The following PCDHA2 variants were observed in gnomAD, a reference collection of about 807,000 sequenced individuals.
The protein encoded by PCDHA2 is protocadherin alpha-2.
In PCDHA2, 58 loss-of-function variants were observed where a neutral mutation model predicts 66.0. The observed-to-expected ratio is 0.88, with a 90% confidence interval of 0.71 to 1.09. The LOEUF is 1.09. Among genes scored for constraint, PCDHA2 ranks in the 50% least tolerant of loss-of-function variants. PCDHA2 has a pLI of 0.00. For missense variants in PCDHA2, 1,267 were observed against 1,242.3 expected, an observed-to-expected ratio of 1.02 and a Z score of -0.30; for synonymous variants, 634 against 554.0, an observed-to-expected ratio of 1.14 and a Z score of -2.03.
intron 1 of PCDHA2, among the ~76,000 whole-genome samples, chr5:140,895,413 C>G (rs141941836): frequency 6.6e-6 from 1 of 152,122 alleles, no homozygotes; most frequent in Non-Finnish European, 1.5e-5. Flanking sequence ...GCCCCATAAC[C>G]TTCTTTTGCT....
At chr5:140,967,042 G>A (rs781848948) in intron 1 of PCDHA2, 1 of 1,611,904 alleles carries the variant, frequency 6.2e-7, no homozygotes, top group Admixed American at 1.7e-5. Flanking sequence ...ACCTGGAGCT[G>A]GACCTGACGA....
At chr5:140,884,071 G>C (rs1425122045) in intron 1 of PCDHA2, 7 of 1,613,400 alleles carry the variant, frequency 4.3e-6, no homozygotes, top group African/African-American at 2.7e-5. Context: ...ACGCCGATTC[G>C]GGCTACAATG....
At chr5:140,992,205 T>C (rs2097498733) in intron 3 of PCDHA2, among the ~76,000 whole-genome samples, 1 of 152,186 alleles carries the variant, frequency 6.6e-6, no homozygotes, top group South Asian at 2.1e-4. Flanking sequence ...TCCAATCAGA[T>C]AAACTACTCT....
chr5:140,928,939 T>C (rs367874769), intron 1 of PCDHA2: 1 of 1,614,130 alleles, frequency 6.2e-7, no homozygotes, highest in Non-Finnish European at 8.5e-7. Context: ...CCAGAACTTG[T>C]ATTTAGTAAT....
rs2150186408 is a variant in PCDHA2, at chr5:140,830,436, T to A, written c.2388+33084T>A. On this transcript the variant is annotated intron_variant, in intron 1 of 3. Transcript: ENST00000526136. ...CCCAGCCTTTCACCTTGTCCTATTA[T>A]GATGGGTAAGGCGGAGAATCAGGAT... is the stretch of plus-strand genomic sequence containing the variant. The A allele has an allele frequency of 1.5e-5, 24 of 1,612,796 alleles. No homozygotes were observed. The South Asian group carries it at 2.0e-4, about 13-fold the overall frequency.
intron 1 of PCDHA2, chr5:140,968,016 A>G: frequency 6.2e-7 from 1 of 1,613,240 alleles, no homozygotes; most frequent in Non-Finnish European, 8.5e-7. Flanking sequence ...GGCTTTGGAA[A>G]CTCCTATACA....
intron 1 of PCDHA2, chr5:140,875,643 G>A: frequency 6.2e-7 from 1 of 1,613,696 alleles, no homozygotes; most frequent in Non-Finnish European, 8.5e-7. Flanking sequence ...TGGAGCTGGC[G>A]GAGCTGGTGC....
rs182448614 is a variant in PCDHA2, at chr5:140,856,533, G to T, written c.2388+59181G>T. The T allele has an allele frequency of 3.4e-4, 545 of 1,598,390 alleles. 56 individuals carry two copies. The highest frequency in any genetic ancestry group is 4.4e-4 in the Non-Finnish European group (516 of 1,167,858). On this transcript the variant is annotated intron_variant, in intron 1 of 3. Transcript: ENST00000526136. ...GAAGGCGCATCTGATGCGGATGTTG[G>T]AGAGAACGCATTGCTTACTTACAAA... is the stretch of plus-strand genomic sequence containing the variant.
intron 1 of PCDHA2, chr5:140,808,183 C>T (rs782261316): frequency 6.2e-7 from 1 of 1,614,172 alleles, no homozygotes; most frequent in Admixed American, 1.7e-5. Context: ...CACTTTCTGG[C>T]CATTGTAGAG....
intron 3 of PCDHA2, among the ~76,000 whole-genome samples, chr5:140,991,152 C>T (rs533894396): frequency 4.1e-4 from 63 of 152,168 alleles, no homozygotes; most frequent in South Asian, 1.0e-3. Flanking sequence ...TTTTGCTCAC[C>T]ATTGTATTCC....
chr5:140,827,875 C>T (rs538155297), intron 1 of PCDHA2: 1 of 643,830 alleles, frequency 1.6e-6, no homozygotes, highest in Non-Finnish European at 2.7e-6. Flanking sequence ...AGCACTGTTA[C>T]GTGAATTGAT....
At chr5:140,876,762 G>T in intron 1 of PCDHA2, 1 of 1,614,252 alleles carries the variant, frequency 6.2e-7, no homozygotes, top group South Asian at 1.1e-5. Flanking sequence ...CGCGGGATGG[G>T]GGCTCGCCTT....
At chr5:140,841,519 G>C (rs1777296865) in intron 1 of PCDHA2, 1 of 1,613,472 alleles carries the variant, frequency 6.2e-7, no homozygotes, top group African/African-American at 1.3e-5. Context: ...TGTTCCGGGT[G>C]GCGTCCAAAA....
chr5:140,966,813 T>C (rs2096057002), intron 1 of PCDHA2: 2 of 1,551,874 alleles, frequency 1.3e-6, no homozygotes, highest in Non-Finnish European at 8.7e-7. Context: ...CATCCACGGC[T>C]CCGGCGGCCC....
intron 1 of PCDHA2, among the ~76,000 whole-genome samples, chr5:140,946,707 A>C (rs2094013917): frequency 6.7e-6 from 1 of 150,204 alleles, no homozygotes; most frequent in East Asian, 1.9e-4. Context: ...TCTGGAGGTC[A>C]TTATGTTTAG....
At chr5:140,882,374 C>A in intron 1 of PCDHA2, 1 of 1,614,186 alleles carries the variant, frequency 6.2e-7, no homozygotes, top group East Asian at 2.2e-5. Flanking sequence ...CTACTCCGTC[C>A]CCGAGGAAGC....
At chr5:140,993,509 CGGGGAGAG>C (rs2097568152) in intron 3 of PCDHA2, among the ~76,000 whole-genome samples, 1 of 143,490 alleles carries the variant, frequency 7.0e-6, no homozygotes, top group Non-Finnish European at 1.5e-5. Flanking sequence ...CACACACACA[CGGGGAGAG>C]AGAGACAGAG....
At chr5:140,946,165 G>A (rs1554217364) in intron 1 of PCDHA2, among the ~76,000 whole-genome samples, 5 of 151,838 alleles carry the variant, frequency 3.3e-5, no homozygotes, top group African/African-American at 1.2e-4. Flanking sequence ...TTAAAAGATG[G>A]GTAAAGGATG....
At position 140,886,849 on chromosome 5, in the gene PCDHA2, A is replaced by G. The variant is rs541841964; in HGVS notation, c.2388+89497A>G. ...CTTGAAAAAAAAAAAAAAAAAAAAG[A>G]AAGGTCTTCCCAACTCCTATATTGA... On this transcript the variant is annotated intron_variant, in intron 1 of 3. Coordinates refer to ENST00000526136, the MANE Select transcript of PCDHA2 (RefSeq NM_018905.3). Among the ~76,000 whole-genome samples, 4 of 150,006 alleles carry G rather than the reference A, an allele frequency of 2.7e-5. No homozygotes were observed. The East Asian group carries it at 7.8e-4, about 29-fold the overall frequency.
Sources: allele counts gnomAD v4.1 joint callset (sites outside exome capture counted in the v4.1 genomes callset), GRCh38; gene constraint gnomAD v4.1.1; transcripts MANE v1.5; gene names NCBI Gene and HGNC (gene_info 2026-07-23, HGNC 2026-07-21).